The following PTPRD variants were observed in gnomAD, a reference collection of about 807,000 sequenced individuals.
PTPRD encodes protein tyrosine phosphatase receptor type D, also known as receptor-type tyrosine-protein phosphatase delta.
A neutral mutation model predicts 214.5 loss-of-function variants in PTPRD; 34 were observed. That is an observed-to-expected ratio of 0.16 (90% CI 0.12 to 0.21). The LOEUF is 0.21. Among genes scored for constraint, PTPRD ranks in the 10% least tolerant of loss-of-function variants. The pLI, the probability that PTPRD is intolerant of heterozygous loss-of-function variation, is 1.00. For synonymous variants in PTPRD, 1,128 were observed against 845.7 expected (o/e 1.33, Z -5.79); for missense variants, 2,545 against 2,398.7 (o/e 1.06, Z -1.27).
chr9:9,328,758 T>C (rs1294842717), intron 9 of PTPRD, among the ~76,000 whole-genome samples: 10 of 148,250 alleles, frequency 6.7e-5, no homozygotes, highest in Non-Finnish European at 1.5e-4. Context: ...CATCTCAGCC[T>C]CCCCAGTCAC....
chr9:9,811,646 G>T lies in PTPRD; in HGVS notation c.-367-44795C>A, dbSNP rs571957418. 7.9e-5 allele frequency among the ~76,000 whole-genome samples: 12 copies of T among 152,308 alleles called. No individual in the cohort carries two copies. The East Asian group carries it at 2.3e-3, about 29-fold the overall frequency. Reference sequence around the variant, plus strand: ...GGTGTGAACACAGGAGGTGGAGTTTGCAGTGAGCTGAGACCAGGCCACTGC... The same window carrying T: ...GGTGTGAACACAGGAGGTGGAGTTTTCAGTGAGCTGAGACCAGGCCACTGC... On this transcript the variant is annotated intron_variant, in intron 5 of 45. Coordinates refer to ENST00000381196, the MANE Select transcript of PTPRD (RefSeq NM_002839.4).
At chr9:9,291,899 T>C (rs1376150222) in intron 9 of PTPRD, among the ~76,000 whole-genome samples, 1 of 150,636 alleles carries the variant, frequency 6.6e-6, no homozygotes, top group Non-Finnish European at 1.5e-5. Flanking sequence ...TATATATATA[T>C]ATATATATCT....
At chr9:10,457,041 A>G (rs1333788292) in intron 2 of PTPRD, among the ~76,000 whole-genome samples, 1 of 151,954 alleles carries the variant, frequency 6.6e-6, no homozygotes, top group Non-Finnish European at 1.5e-5. Flanking sequence ...TAAATGTCAG[A>G]AAAAATATTG....
chr9:9,688,014 C>T (rs939979054), intron 7 of PTPRD, among the ~76,000 whole-genome samples: 3 of 151,728 alleles, frequency 2.0e-5, no homozygotes, highest in African/African-American at 7.3e-5. Context: ...TGATTTCAAA[C>T]GTGGCAGTTT....
chr9:9,547,563 G>C (rs1055006163), intron 8 of PTPRD, among the ~76,000 whole-genome samples: 1 of 151,982 alleles, frequency 6.6e-6, no homozygotes, highest in South Asian at 2.1e-4. Flanking sequence ...GTGTGATTCA[G>C]TGACTGACAC....
At chr9:8,365,160 G>C (rs2079506518) in intron 39 of PTPRD, among the ~76,000 whole-genome samples, 1 of 152,024 alleles carries the variant, frequency 6.6e-6, no homozygotes, top group Non-Finnish European at 1.5e-5. Context: ...TAAAAAAAGA[G>C]AAGGCTGCAG....
At chr9:9,780,449 GAACA>G (rs376188441) in intron 5 of PTPRD, among the ~76,000 whole-genome samples, 124 of 152,264 alleles carry the variant, frequency 8.1e-4, no homozygotes, top group African/African-American at 2.8e-3. Flanking sequence ...CAAAGCATCT[GAACA>G]GACATCTCAC....
chr9:10,081,392 T>G (rs2098234523), intron 3 of PTPRD, among the ~76,000 whole-genome samples: 1 of 152,046 alleles, frequency 6.6e-6, no homozygotes, highest in African/African-American at 2.4e-5. Context: ...ATTTTGTATG[T>G]TGATATCCTA....
In PTPRD at chr9:10,387,414, G is replaced by C. The variant is rs146519967; in HGVS notation, c.-599-46397C>G. Among the ~76,000 whole-genome samples, 188 of 151,956 alleles carry C rather than the reference G, an allele frequency of 1.2e-3. 2 individuals carry two copies. The highest frequency in any genetic ancestry group is 4.3e-3 in the African/African-American group (179 of 41,502). ...GGCTTTACTGGGGAAATGTGTAAGT[G>C]AGGATTCAGTTATATCAGAAGGCAT... On this transcript the variant is annotated intron_variant, in intron 2 of 45. Coordinates refer to ENST00000381196, the MANE Select transcript of PTPRD (RefSeq NM_002839.4).
intron 2 of PTPRD, among the ~76,000 whole-genome samples, chr9:10,460,737 A>G (rs768137715): frequency 1.1e-4 from 16 of 152,108 alleles, no homozygotes; most frequent in South Asian, 2.1e-4. Context: ...ACAAAAATCA[A>G]CTCAAAATGG....
intron 12 of PTPRD, among the ~76,000 whole-genome samples, chr9:8,665,217 CAG>C: frequency 6.6e-6 from 1 of 152,206 alleles, no homozygotes; most frequent in East Asian, 1.9e-4. Context: ...CTATGAAAAA[CAG>C]AAACAAATAT....
At chr9:10,256,853 C>T (rs181780904) in intron 3 of PTPRD, among the ~76,000 whole-genome samples, 3 of 152,280 alleles carry the variant, frequency 2.0e-5, no homozygotes, top group Admixed American at 2.0e-4. Flanking sequence ...CCCTATCCCA[C>T]CCACTTCTTA....
intron 8 of PTPRD, among the ~76,000 whole-genome samples, chr9:9,458,106 A>G (rs1023285352): frequency 3.3e-5 from 5 of 152,092 alleles, no homozygotes; most frequent in African/African-American, 1.2e-4. Context: ...TTAAGAAAAT[A>G]TGGATTAGAA....
rs184245013 is a variant in PTPRD at position 10,151,953 on chromosome 9, T to A, written c.-544-118163A>T. ...TTATTCAGTCATGAACTGAAGGATA[T>A]TTAGGCTGTTTTCAATTTGGGGCAA... On this transcript the variant is annotated intron_variant, in intron 3 of 45. Transcript: ENST00000381196. Among the ~76,000 whole-genome samples the A allele has an allele frequency of 3.3e-3, 500 of 152,308 alleles. 1 individual carries two copies. Among genetic ancestry groups the A allele is most frequent in the Admixed American group, 5.6e-3 (86 of 15,286 alleles).
intron 12 of PTPRD, among the ~76,000 whole-genome samples, chr9:8,677,804 C>A (rs1230758280): frequency 3.3e-5 from 5 of 152,134 alleles, no homozygotes; most frequent in Admixed American, 2.6e-4. Flanking sequence ...TATTAACAGA[C>A]CCAGGCACCA....
intron 4 of PTPRD, among the ~76,000 whole-genome samples, chr9:9,965,662 G>C (rs944076439): frequency 3.3e-5 from 5 of 152,132 alleles, no homozygotes; most frequent in African/African-American, 1.2e-4. Context: ...ATTATCTGGA[G>C]CCACACAGAT....
chr9:10,065,141 T>TAGAAAGATAGAAAGAA (rs2097851521), intron 3 of PTPRD, among the ~76,000 whole-genome samples: 1 of 106,732 alleles, frequency 9.4e-6, no homozygotes, highest in Admixed American at 1.0e-4. Flanking sequence ...TGACTTGGAT[T>TAGAAAGATAGAAAGAA]AGAAAGAAAG....
intron 37 of PTPRD, 138 bp from the exon 38 acceptor site, chr9:8,376,864 A>T: frequency 8.9e-7 from 1 of 1,129,674 alleles, no homozygotes; most frequent in Non-Finnish European, 1.3e-6. Context: ...CATTTTTGTT[A>T]TCCCAATATA....
chr9:10,608,172 T>C (rs1274311738), intron 2 of PTPRD, among the ~76,000 whole-genome samples: 2 of 152,050 alleles, frequency 1.3e-5, no homozygotes, highest in African/African-American at 4.8e-5. Flanking sequence ...CCAAATGTGA[T>C]GCTGCAAAAT....
Sources: allele counts gnomAD v4.1 joint callset (sites outside exome capture counted in the v4.1 genomes callset), GRCh38; gene constraint gnomAD v4.1.1; transcripts MANE v1.5; gene names NCBI Gene and HGNC (gene_info 2026-07-23, HGNC 2026-07-21).